The following GPC5 variants were observed in gnomAD, a reference collection of about 807,000 sequenced individuals.
GPC5 encodes glypican-5.
In GPC5, 47 loss-of-function variants were observed where a neutral mutation model predicts 53.9. The observed-to-expected ratio is 0.87, with a 90% confidence interval of 0.69 to 1.11. GPC5 has a LOEUF of 1.11. GPC5 is among the 50% of genes most tolerant of loss of function. The pLI, the probability that GPC5 is intolerant of heterozygous loss-of-function variation, is 0.00. For missense variants in GPC5, 748 were observed against 713.1 expected (o/e 1.05, Z -0.56); for synonymous variants, 286 against 263.3 (o/e 1.09, Z -0.84).
chr13:91,549,255 G>C (rs2030481730), intron 2 of GPC5, among the ~76,000 whole-genome samples: 1 of 119,434 alleles, frequency 8.4e-6, no homozygotes, highest in Non-Finnish European at 1.8e-5. Context: ...GGCAACAAGA[G>C]CAAGATTCCA....
intron 6 of GPC5, among the ~76,000 whole-genome samples, chr13:92,135,967 A>G (rs2041780911): frequency 6.6e-6 from 1 of 152,208 alleles, no homozygotes; most frequent in African/African-American, 2.4e-5. Flanking sequence ...CGGTATTTCT[A>G]CATTTGAAAG....
chr13:92,235,881 A>T (rs1032884210), intron 7 of GPC5, among the ~76,000 whole-genome samples: 1 of 151,966 alleles, frequency 6.6e-6, no homozygotes, highest in Non-Finnish European at 1.5e-5. Flanking sequence ...TAGCCACTGT[A>T]TTTTTAGTTG....
Position 92,755,657 on chromosome 13 carries a change from G to A in GPC5, c.1562-110625G>A, listed in dbSNP as rs1417317415. Among the ~76,000 whole-genome samples, 29 of 139,500 alleles carry A rather than the reference G, an allele frequency of 2.1e-4. No homozygotes were observed. The South Asian group carries it at 4.5e-3, about 22-fold the overall frequency. The allele number at this position is 139,500 out of a possible 152,430, so 91.5% of individuals were successfully genotyped here. On this transcript the variant is annotated intron_variant, in intron 7 of 7. Coordinates refer to ENST00000377067, the MANE Select transcript of GPC5 (RefSeq NM_004466.6). The stretch of plus-strand genomic sequence containing the variant: ...AAATGATAAAGGGGATATCACCACC[G>A]ATCCCACAGAAATACAAACTACCAT...
intron 7 of GPC5, among the ~76,000 whole-genome samples, chr13:92,791,913 T>C (rs943542803): frequency 1.3e-5 from 2 of 152,144 alleles, no homozygotes; most frequent in Non-Finnish European, 2.9e-5. Context: ...ATTAATTAGA[T>C]GACTATCATT....
chr13:92,455,464 A>G (rs548924959), intron 7 of GPC5, among the ~76,000 whole-genome samples: 5 of 152,336 alleles, frequency 3.3e-5, no homozygotes, highest in African/African-American at 9.6e-5. Flanking sequence ...ATCAGTCACT[A>G]TCTCTAGAAT....
chr13:92,769,145 C>A lies in GPC5; in HGVS notation c.1562-97137C>A, dbSNP rs145222117. On this transcript the variant is annotated intron_variant, in intron 7 of 7. Coordinates refer to ENST00000377067, the MANE Select transcript of GPC5 (RefSeq NM_004466.6). ...AAGATGGATGAAAATAAATCCCCACCCACTATGTGAATATTGTATTAATTG... is the reference window on the plus strand; with the variant it reads ...AAGATGGATGAAAATAAATCCCCACACACTATGTGAATATTGTATTAATTG... Among the ~76,000 whole-genome samples the A allele has an allele frequency of 1.6e-3, 245 of 152,074 alleles. 1 individual carries two copies. The highest frequency in any genetic ancestry group is 2.6e-3 in the Admixed American group (40 of 15,280).
chr13:92,176,691 T>C lies in GPC5; in HGVS notation c.1561+31702T>C, dbSNP rs1016885896. Among the ~76,000 whole-genome samples, 4 of 152,166 alleles carry C rather than the reference T, an allele frequency of 2.6e-5. 1 individual carries two copies. Among genetic ancestry groups the C allele is most frequent in the African/African-American group, 9.7e-5 (4 of 41,442 alleles). On this transcript the variant is annotated intron_variant, in intron 7 of 7. Transcript: ENST00000377067. ...CCCCAGATTCCTAATCCCACCATTT[T>C]TGAACCTCCCTCCAGAGTGCCTGGA...
At chr13:92,548,804 A>G (rs1176484284) in intron 7 of GPC5, among the ~76,000 whole-genome samples, 4 of 152,092 alleles carry the variant, frequency 2.6e-5, no homozygotes, top group Admixed American at 1.3e-4. Flanking sequence ...AGTCTGCTCT[A>G]CAAATTGGAA....
chr13:92,487,724 T>C (rs1879606938), intron 7 of GPC5, among the ~76,000 whole-genome samples: 2 of 151,944 alleles, frequency 1.3e-5, no homozygotes, highest in Admixed American at 6.6e-5. Context: ...AAATTTTAAG[T>C]GATCCCATCT....
intron 5 of GPC5, among the ~76,000 whole-genome samples, chr13:91,882,537 A>G (rs1314696692): frequency 6.6e-6 from 1 of 151,778 alleles, no homozygotes; most frequent in African/African-American, 2.4e-5. Flanking sequence ...TTTTTACTTT[A>G]TTAACCTTTA....
intron 7 of GPC5, among the ~76,000 whole-genome samples, chr13:92,844,594 G>T (rs977632094): frequency 6.6e-6 from 1 of 151,976 alleles, no homozygotes; most frequent in African/African-American, 2.4e-5. Flanking sequence ...TTACACAAAT[G>T]CTTATGTTCT....
intron 7 of GPC5, among the ~76,000 whole-genome samples, chr13:92,741,883 G>A (rs1889107239): frequency 6.6e-6 from 1 of 152,052 alleles, no homozygotes; most frequent in Admixed American, 6.6e-5. Context: ...ATGGTTTCCA[G>A]CTTCATCCAC....
At chr13:91,996,289 C>T (rs1566384710) in intron 6 of GPC5, 1 of 152,242 alleles carries the variant, frequency 6.6e-6, no homozygotes, top group Non-Finnish European at 1.5e-5. Flanking sequence ...AGGACTCCAA[C>T]AGGGTTCAAG....
chr13:92,230,776 A>G (rs1035942125), intron 7 of GPC5, among the ~76,000 whole-genome samples: 2 of 152,188 alleles, frequency 1.3e-5, no homozygotes, highest in Admixed American at 6.6e-5. Context: ...CTGTTTTCTT[A>G]GGGCCTACCT....
intron 6 of GPC5, among the ~76,000 whole-genome samples, chr13:91,946,882 A>C (rs1243157597): frequency 6.6e-6 from 1 of 152,212 alleles, no homozygotes; most frequent in African/African-American, 2.4e-5. Context: ...TGTTCATTTG[A>C]AATTAAAGCA....
At position 91,399,068 on chromosome 13, in the gene GPC5, G is replaced by T. The variant is rs368315924; in HGVS notation, c.22G>T (p.Val8Leu). The change falls in exon 1 of 8, where the codon GTG (valine) becomes TTG (leucine). Residue 8 changes from valine to leucine, a missense_variant. By Grantham distance (32) the Val-to-Leu change is conservative. Coordinates refer to ENST00000377067, the MANE Select transcript of GPC5 (RefSeq NM_004466.6). ...GAGGATGGACGCACAGACCTGGCCCGTGGGCTTTCGCTGCCTCCTCCTTCT... is the reference window on the plus strand; with the variant it reads ...GAGGATGGACGCACAGACCTGGCCCTTGGGCTTTCGCTGCCTCCTCCTTCT... MDAQTWPVGFRCLLLLAL... is the reference protein window; with the variant it reads MDAQTWPLGFRCLLLLAL... 7.4e-5 allele frequency: 116 copies of T among 1,569,456 alleles called. No individual in the cohort carries two copies. The highest frequency in any genetic ancestry group is 9.3e-5 in the Non-Finnish European group (108 of 1,157,722).
chr13:92,021,900 C>T (rs548318942), intron 6 of GPC5, among the ~76,000 whole-genome samples: 12 of 152,298 alleles, frequency 7.9e-5, no homozygotes, highest in African/African-American at 2.9e-4. Context: ...ATTAGTCAAA[C>T]TGTCCAGAAT....
At chr13:91,954,673 T>C (rs1347357743) in intron 6 of GPC5, among the ~76,000 whole-genome samples, 2 of 152,080 alleles carry the variant, frequency 1.3e-5, no homozygotes, top group African/African-American at 4.8e-5. Flanking sequence ...AGATTTCTCT[T>C]GATATTTGAA....
intron 7 of GPC5, among the ~76,000 whole-genome samples, chr13:92,168,952 G>A (rs754655327): frequency 1.3e-4 from 20 of 152,202 alleles, no homozygotes; most frequent in East Asian, 3.9e-4. Context: ...GTTATAGACC[G>A]GATAAAGAAA....
Sources: gnomAD v4.1 joint callset for allele counts (sites outside exome capture counted in the v4.1 genomes callset) on GRCh38, gnomAD v4.1.1 for gene constraint, MANE v1.5 for transcripts, NCBI Gene and HGNC (gene_info 2026-07-23, HGNC 2026-07-21) for gene names.